NFATC2: variants seen among roughly 807,000 people sequenced by gnomAD.
NFATC2 encodes the protein nuclear factor of activated T cells 2.
A neutral mutation model predicts 87.3 loss-of-function variants in NFATC2; 22 were observed. The ratio of observed to expected loss-of-function variants is 0.25; its 90% CI spans 0.18 to 0.36. The LOEUF is 0.36. Among genes scored for constraint, NFATC2 ranks in the 10% least tolerant of loss-of-function variants. The probability of loss-of-function intolerance (pLI) is 1.00; values close to 1 mark genes in which losing one functional copy is unlikely to be tolerated. For missense variants in NFATC2, 1,149 were observed against 1,259.1 expected (o/e 0.91, Z 1.32); for synonymous variants, 565 against 542.2 (o/e 1.04, Z -0.58).
chr20:51,543,975 ATTTTT>A (rs11473264), upstream of NFATC2, among the ~76,000 whole-genome samples: 89 of 72,972 alleles, frequency 1.2e-3, no homozygotes, highest in Middle Eastern at 9.6e-3. Flanking sequence ...AGAATTCCTA[ATTTTT>A]TTTTTTTTTT....
rs767126542 is a variant in NFATC2, at chr20:51,523,477, G to A, written c.764C>T (p.Ser255Leu). ...CAGGGCAACCAAGGCCTCGGCGCAC[G>A]AATGCCTCCGCTTGGCACCAGGCGA... ...SSSPGAKRRH[S>L]CAEALVALPP... is the part of the protein sequence containing the mutation. Residue 255 changes from serine (S) to leucine (L), a missense_variant, in exon 2 of 11, where the codon TCG (serine) becomes TTG (leucine). Transcript: ENST00000371564. This position sits in a 1 kb window ranked among gnomAD's most constrained non-coding sequence, Gnocchi z 6.9. 10 of 1,611,120 alleles carry A rather than the reference G, an allele frequency of 6.2e-6. No individual in the cohort carries two copies. Among genetic ancestry groups the A allele is most frequent in the Admixed American group, 1.7e-5 (1 of 59,632 alleles).
At chr20:51,471,953 AC>A (rs1292956861) in intron 5 of NFATC2, among the ~76,000 whole-genome samples, 2 of 152,188 alleles carry the variant, frequency 1.3e-5, no homozygotes, top group Non-Finnish European at 2.9e-5. Flanking sequence ...CTACACATGT[AC>A]CCTGGAACTT....
chr20:51,529,152 A>G (rs2076592778), intron 1 of NFATC2, among the ~76,000 whole-genome samples: 1 of 152,218 alleles, frequency 6.6e-6, no homozygotes, highest in Non-Finnish European at 1.5e-5. Flanking sequence ...AAAGTTTCTT[A>G]GCAAAAATTC....
chr20:51,533,503 A>C (rs555024768), intron 1 of NFATC2, among the ~76,000 whole-genome samples: 1 of 152,348 alleles, frequency 6.6e-6, no homozygotes, highest in East Asian at 1.9e-4. Flanking sequence ...AAAGTCGAGA[A>C]ATTCCATCTG....
chr20:51,499,481 G>A (rs80207415), intron 3 of NFATC2, among the ~76,000 whole-genome samples: 3 of 152,164 alleles, frequency 2.0e-5, no homozygotes, highest in African/African-American at 4.8e-5. Flanking sequence ...GGCCGGGCAC[G>A]GTGGCTCATG....
At chr20:51,548,882 T>G (rs1345731873) in intron 1 of NFATC2, among the ~76,000 whole-genome samples, 1 of 152,234 alleles carries the variant, frequency 6.6e-6, no homozygotes, top group Admixed American at 6.5e-5. Context: ...TTAGCAGTGT[T>G]TTGTAGCCTT....
intron 6 of NFATC2, among the ~76,000 whole-genome samples, chr20:51,442,881 C>A (rs1984554553): frequency 6.6e-6 from 1 of 151,910 alleles, no homozygotes; most frequent in Non-Finnish European, 1.5e-5. Context: ...TGTATGCCTT[C>A]CAGCCCTCCG....
chr20:51,434,535 A>G (rs1983269538), intron 8 of NFATC2, among the ~76,000 whole-genome samples: 1 of 152,208 alleles, frequency 6.6e-6, no homozygotes, highest in Admixed American at 6.5e-5. Flanking sequence ...TATCAATAAT[A>G]TCAACATTAT....
At chr20:51,532,650 A>G (rs1391205887) in intron 1 of NFATC2, among the ~76,000 whole-genome samples, 1 of 152,200 alleles carries the variant, frequency 6.6e-6, no homozygotes, top group African/African-American at 2.4e-5. Flanking sequence ...ACGGACACAC[A>G]GCCAAGTCTG....
At chr20:51,514,236 T>C (rs940174168) in intron 3 of NFATC2, among the ~76,000 whole-genome samples, 9 of 152,226 alleles carry the variant, frequency 5.9e-5, no homozygotes, top group Non-Finnish European at 1.3e-4. Context: ...TGGTACATAG[T>C]AGGTGCTCAA....
intron 6 of NFATC2, among the ~76,000 whole-genome samples, chr20:51,453,678 G>A (rs1986072098): frequency 6.6e-6 from 1 of 152,170 alleles, no homozygotes; most frequent in Admixed American, 6.5e-5. Flanking sequence ...TACACGTGGT[G>A]AATAAACAAA....
intron 9 of NFATC2, among the ~76,000 whole-genome samples, chr20:51,425,588 C>A (rs1358763509): frequency 1.3e-5 from 2 of 152,218 alleles, no homozygotes; most frequent in Non-Finnish European, 2.9e-5. Flanking sequence ...TGACCAGGCT[C>A]CGCGTGGGCT....
Position 51,523,469 on chromosome 20 carries a change from C to T in NFATC2, c.772G>A (p.Glu258Lys), listed in dbSNP as rs979170675. 4.3e-6 allele frequency: 7 copies of T among 1,610,514 alleles called. No homozygotes were observed. The highest frequency in any genetic ancestry group is 5.9e-6 in the Non-Finnish European group (7 of 1,178,328). Residue 258 changes from glutamate (E) to lysine (K), a missense_variant, in exon 2 of 11, where the codon GAG becomes AAG. By Grantham distance (56) the Glu-to-Lys change is moderately conservative. Around this residue, in one of 3 missense-constraint regions of NFATC2, gnomAD observed 563 missense variants for 585.2 expected, o/e 0.96. Transcript: ENST00000371564. The surrounding 1 kb of genome is among the most constrained non-coding windows in gnomAD (Gnocchi z 6.9). The part of the protein sequence containing the change: ...PGAKRRHSCA[E>K]ALVALPPGAS... ...CCGGGCGGCAGGGCAACCAAGGCCT[C>T]GGCGCACGAATGCCTCCGCTTGGCA...
intron 5 of NFATC2, among the ~76,000 whole-genome samples, chr20:51,467,731 ACT>A (rs745823288): frequency 1.3e-5 from 2 of 152,188 alleles, no homozygotes; most frequent in Non-Finnish European, 2.9e-5. Flanking sequence ...AGTAACTGGA[ACT>A]CTCATACATC....
At chr20:51,395,350 C>T (rs923272800) in intron 10 of NFATC2, among the ~76,000 whole-genome samples, 3 of 124,458 alleles carry the variant, frequency 2.4e-5, no homozygotes, top group East Asian at 2.4e-4. Context: ...TTAACTTGTA[C>T]GGTATTGATC....
chr20:51,419,494 G>T (rs1980557663), intron 9 of NFATC2, among the ~76,000 whole-genome samples: 1 of 152,174 alleles, frequency 6.6e-6, no homozygotes, highest in Non-Finnish European at 1.5e-5. Context: ...TGAGAATGGA[G>T]AGTGATAAGA....
At chr20:51,410,211 A>AG (rs935828620) in intron 9 of NFATC2, among the ~76,000 whole-genome samples, 1 of 147,132 alleles carries the variant, frequency 6.8e-6, no homozygotes, top group Non-Finnish European at 1.5e-5. Context: ...CTCTGTCTCA[A>AG]AAAAAAAAAA....
chr20:51,538,563 T>C (rs1659064601), intron 1 of NFATC2, among the ~76,000 whole-genome samples: 6 of 152,192 alleles, frequency 3.9e-5, no homozygotes, highest in Admixed American at 3.9e-4. Flanking sequence ...GAGGCACAAT[T>C]AGAGGCAGTA....
At chr20:51,447,025 T>G (rs1780167023) in intron 6 of NFATC2, among the ~76,000 whole-genome samples, 1 of 152,136 alleles carries the variant, frequency 6.6e-6, no homozygotes, top group Non-Finnish European at 1.5e-5. Flanking sequence ...AGAGCAGGTG[T>G]CTGCTCTAAG....
Sources: gnomAD v4.1 joint callset for allele counts (sites outside exome capture counted in the v4.1 genomes callset) on GRCh38, gnomAD v4.1.1 for gene constraint, gnomAD v4.1.1 regional missense constraint, Gnocchi (gnomAD v3.1) non-coding constraint, MANE v1.5 for transcripts, NCBI Gene and HGNC (gene_info 2026-07-23, HGNC 2026-07-21) for gene names.